The following SCHIP1 variants were observed in gnomAD, a reference collection of about 807,000 sequenced individuals.
The protein encoded by SCHIP1 is schwannomin-interacting protein 1.
A neutral mutation model predicts 29.7 loss-of-function variants in SCHIP1; 8 were observed. The ratio of observed to expected loss-of-function variants is 0.27; its 90% CI spans 0.16 to 0.49. The LOEUF is 0.49. Among genes scored for constraint, SCHIP1 ranks in the 20% least tolerant of loss-of-function variants. The pLI is 0.99. For synonymous variants in SCHIP1, 76 were observed against 94.9 expected, an observed-to-expected ratio of 0.80 and a Z score of 1.16; for missense variants, 193 against 294.6, an observed-to-expected ratio of 0.66 and a Z score of 2.52.
chr3:159,764,505 C>G, the SCHIP1 span: 1 of 1,586,874 alleles, frequency 6.3e-7, no homozygotes, highest in Non-Finnish European at 8.6e-7. This position sits in a 1 kb window ranked among gnomAD's most constrained non-coding sequence, Gnocchi z 6.1. Flanking sequence ...GCAGCAGCCG[C>G]GCCAGTTCAC....
At chr3:159,629,724 T>A in the SCHIP1 span, among the ~76,000 whole-genome samples, 1 of 152,340 alleles carries the variant, frequency 6.6e-6, no homozygotes, top group Admixed American at 6.5e-5. Flanking sequence ...CTGGGCCTCA[T>A]TTATGTTTAT....
the SCHIP1 span, among the ~76,000 whole-genome samples, chr3:159,385,426 G>A: frequency 2.4e-4 from 37 of 152,146 alleles, no homozygotes; most frequent in African/African-American, 7.2e-4. Context: ...GTATGGTGGC[G>A]TATGCCTATA....
the SCHIP1 span, among the ~76,000 whole-genome samples, chr3:159,607,849 G>C: frequency 6.6e-6 from 1 of 152,284 alleles, no homozygotes; most frequent in African/African-American, 2.4e-5. Context: ...AGTCAAGTTT[G>C]ACATACATAT....
At chr3:159,374,178 A>G in the SCHIP1 span, among the ~76,000 whole-genome samples, 2 of 152,198 alleles carry the variant, frequency 1.3e-5, no homozygotes, top group African/African-American at 4.8e-5. Context: ...AACATGTTAA[A>G]ACATGTTCAA....
At chr3:159,691,097 G>C in the SCHIP1 span, among the ~76,000 whole-genome samples, 1 of 152,156 alleles carries the variant, frequency 6.6e-6, no homozygotes, top group Non-Finnish European at 1.5e-5. Flanking sequence ...TTCTATAGAT[G>C]TCTATTAGTT....
chr3:159,743,185 T>A, the SCHIP1 span, among the ~76,000 whole-genome samples: 1 of 152,246 alleles, frequency 6.6e-6, no homozygotes. Context: ...GGGTAGTTGC[T>A]CTAGTGTTTG....
chr3:159,763,002 T>A, the SCHIP1 span, among the ~76,000 whole-genome samples: 40 of 152,216 alleles, frequency 2.6e-4, no homozygotes, highest in African/African-American at 9.4e-4. Context: ...CCGCTTCCCC[T>A]GTCTCCTTGC....
the SCHIP1 span, among the ~76,000 whole-genome samples, chr3:159,456,780 A>G: frequency 8.5e-5 from 13 of 152,326 alleles, no homozygotes; most frequent in African/African-American, 3.1e-4. Context: ...ACCTGACTTT[A>G]GAAGTATCAA....
At chr3:159,517,905 A>G in the SCHIP1 span, among the ~76,000 whole-genome samples, 1 of 152,124 alleles carries the variant, frequency 6.6e-6, no homozygotes, top group Non-Finnish European at 1.5e-5. Flanking sequence ...CTATCAATGC[A>G]CTTTTTCCAT....
the SCHIP1 span, among the ~76,000 whole-genome samples, chr3:159,458,364 C>T: frequency 6.6e-6 from 1 of 152,192 alleles, no homozygotes; most frequent in Non-Finnish European, 1.5e-5. Flanking sequence ...ATGTGTTTAA[C>T]TACATCTCCC....
At chr3:159,683,699 A>G in the SCHIP1 span, among the ~76,000 whole-genome samples, 2 of 152,188 alleles carry the variant, frequency 1.3e-5, no homozygotes, top group Admixed American at 1.3e-4. Context: ...GTTTCCATAG[A>G]GGACCATCAG....
At chr3:159,533,026 A>G in the SCHIP1 span, among the ~76,000 whole-genome samples, 1 of 152,254 alleles carries the variant, frequency 6.6e-6, no homozygotes, top group African/African-American at 2.4e-5. Context: ...CTACATTACT[A>G]GTTAGTTTAG....
chr3:159,723,184 T>G, the SCHIP1 span, among the ~76,000 whole-genome samples: 1 of 152,224 alleles, frequency 6.6e-6, no homozygotes, highest in Non-Finnish European at 1.5e-5. Context: ...TGCTGAATCT[T>G]AATGGTGTTT....
At chr3:159,542,444 T>A in the SCHIP1 span, among the ~76,000 whole-genome samples, 1 of 151,864 alleles carries the variant, frequency 6.6e-6, no homozygotes, top group Non-Finnish European at 1.5e-5. Flanking sequence ...ATTAATAGAG[T>A]TTTATATAAG....
At chr3:159,808,496 T>C in the SCHIP1 span, 4 of 152,252 alleles carry the variant, frequency 2.6e-5, no homozygotes, top group South Asian at 2.1e-4. Flanking sequence ...TTAAGATAGA[T>C]AGAGGACATA....
the SCHIP1 span, among the ~76,000 whole-genome samples, chr3:159,294,918 T>G: frequency 3.9e-5 from 6 of 152,112 alleles, no homozygotes; most frequent in Non-Finnish European, 8.8e-5. Context: ...CATAAGCATC[T>G]TAGAGTGGAT....
chr3:159,810,319 A>G, the SCHIP1 span, among the ~76,000 whole-genome samples: 1 of 152,200 alleles, frequency 6.6e-6, no homozygotes, highest in African/African-American at 2.4e-5. Context: ...TGCTGGGATT[A>G]TAGGCATGAG....
At chr3:159,860,800 C>A (rs968729972) in intron 1 of SCHIP1, among the ~76,000 whole-genome samples, 1 of 152,180 alleles carries the variant, frequency 6.6e-6, no homozygotes, top group African/African-American at 2.4e-5. Flanking sequence ...CTTTTATTCC[C>A]ACTTCTGTGC....
At chr3:159,764,506 G>T in the SCHIP1 span, 206 of 1,586,872 alleles carry the variant, frequency 1.3e-4, 1 homozygote, top group South Asian at 4.8e-4. This position sits in a 1 kb window ranked among gnomAD's most constrained non-coding sequence, Gnocchi z 6.1. Context: ...CAGCAGCCGC[G>T]CCAGTTCACA....
Sources: allele counts gnomAD v4.1 joint callset (sites outside exome capture counted in the v4.1 genomes callset), GRCh38; gene constraint gnomAD v4.1.1; non-coding constraint Gnocchi (gnomAD v3.1); transcripts MANE v1.5; gene names NCBI Gene and HGNC (gene_info 2026-07-23, HGNC 2026-07-21).